Variants in KCNIP4 observed in about 807,000 individuals in gnomAD.
KCNIP4 encodes the protein Kv channel-interacting protein 4.
Under a neutral mutation model 34.0 loss-of-function variants are expected in KCNIP4, and 12 were observed. The ratio of observed to expected loss-of-function variants is 0.35; its 90% CI spans 0.23 to 0.57. The LOEUF is 0.57. KCNIP4 is among the 20% of genes least tolerant of loss of function. The pLI is 0.83. For missense variants in KCNIP4, 238 were observed against 311.7 expected (o/e 0.76, Z 1.78); for synonymous variants, 124 against 102.2 (o/e 1.21, Z -1.29).
At chr4:21,226,141 A>G (rs1210492791) in intron 1 of KCNIP4, among the ~76,000 whole-genome samples, 1 of 150,148 alleles carries the variant, frequency 6.7e-6, no homozygotes, top group Non-Finnish European at 1.5e-5. Context: ...TTGCAAGTTC[A>G]TGTAGTTAGA....
intron 1 of KCNIP4, among the ~76,000 whole-genome samples, chr4:21,522,430 A>G (rs1343136150): frequency 1.3e-5 from 2 of 151,882 alleles, no homozygotes; most frequent in Admixed American, 1.3e-4. Context: ...AGGCTGGTGC[A>G]CTCATAGCTC....
chr4:21,924,669 A>T (rs1342932492), intron 1 of KCNIP4, among the ~76,000 whole-genome samples: 1 of 152,162 alleles, frequency 6.6e-6, no homozygotes, highest in African/African-American at 2.4e-5. Context: ...TCAATTTTTT[A>T]AGGGTCAGTG....
At chr4:20,877,697 C>T (rs774263385) in intron 2 of KCNIP4, among the ~76,000 whole-genome samples, 2 of 152,150 alleles carry the variant, frequency 1.3e-5, no homozygotes, top group African/African-American at 2.4e-5. Context: ...TGGGTGCCAA[C>T]CGTATGAAAT....
chr4:21,835,823 T>G (rs750815664), intron 1 of KCNIP4, among the ~76,000 whole-genome samples: 2 of 152,140 alleles, frequency 1.3e-5, no homozygotes, highest in African/African-American at 4.8e-5. Flanking sequence ...AAATGAGGCA[T>G]ATTTGATTCA....
intron 3 of KCNIP4, among the ~76,000 whole-genome samples, chr4:20,785,318 AT>A (rs1321477283): frequency 3.5e-4 from 46 of 131,482 alleles, no homozygotes; most frequent in African/African-American, 4.6e-4. Context: ...TTTTCTTTGG[AT>A]TTTTTTTTCT....
At chr4:21,226,573 C>T (rs1324511589) in intron 1 of KCNIP4, among the ~76,000 whole-genome samples, 1 of 146,510 alleles carries the variant, frequency 6.8e-6, no homozygotes, top group African/African-American at 2.8e-5. Flanking sequence ...AATGTTACTT[C>T]CTATTTGCTA....
intron 1 of KCNIP4, among the ~76,000 whole-genome samples, chr4:21,641,305 G>A (rs1746596559): frequency 6.6e-6 from 1 of 152,138 alleles, no homozygotes. Context: ...CTTGGGTCTG[G>A]TTTACAGATG....
At chr4:21,524,359 G>A (rs565043963) in intron 1 of KCNIP4, among the ~76,000 whole-genome samples, 4 of 152,248 alleles carry the variant, frequency 2.6e-5, no homozygotes, top group Non-Finnish European at 4.4e-5. Flanking sequence ...TAAGAATGAG[G>A]TGCTATTTAT....
intron 1 of KCNIP4, among the ~76,000 whole-genome samples, chr4:21,035,939 G>A (rs1374262353): frequency 6.6e-6 from 1 of 152,166 alleles, no homozygotes; most frequent in Non-Finnish European, 1.5e-5. Flanking sequence ...AGTTGAGGGA[G>A]GAAGACAGCC....
At chr4:21,550,895 A>G (rs551274950) in intron 1 of KCNIP4, among the ~76,000 whole-genome samples, 2 of 152,092 alleles carry the variant, frequency 1.3e-5, no homozygotes, top group Non-Finnish European at 2.9e-5. Flanking sequence ...CTAATTTCAG[A>G]GAGTACCTCC....
intron 1 of KCNIP4, among the ~76,000 whole-genome samples, chr4:21,324,155 TTGTC>T (rs777575094): frequency 6.6e-6 from 1 of 151,392 alleles, no homozygotes; most frequent in Non-Finnish European, 1.5e-5. Context: ...TATTAATCCT[TTGTC>T]TGATGCAGTT....
At chr4:21,488,357 C>T (rs1188428685) in intron 1 of KCNIP4, among the ~76,000 whole-genome samples, 2 of 152,128 alleles carry the variant, frequency 1.3e-5, no homozygotes, top group Middle Eastern at 3.2e-3. Flanking sequence ...GAATTATTAA[C>T]TGTGTCCCCA....
At chr4:21,914,369 C>T (rs1012950585) in intron 1 of KCNIP4, among the ~76,000 whole-genome samples, 5 of 152,078 alleles carry the variant, frequency 3.3e-5, no homozygotes, top group Admixed American at 6.6e-5. Context: ...TAGTGGACCA[C>T]GTTGTGAGAT....
chr4:20,892,741 G>A (rs926943389), intron 1 of KCNIP4, among the ~76,000 whole-genome samples: 1 of 152,208 alleles, frequency 6.6e-6, no homozygotes, highest in Non-Finnish European at 1.5e-5. Context: ...GTCAAAAGCT[G>A]TAATGCTTTC....
chr4:20,764,338 G>T (rs542985594), intron 3 of KCNIP4, among the ~76,000 whole-genome samples: 1 of 152,106 alleles, frequency 6.6e-6, no homozygotes, highest in African/African-American at 2.4e-5. Context: ...GAAATATCCT[G>T]AACATTTTTT....
chr4:21,266,388 A>G (rs6839686), intron 1 of KCNIP4, among the ~76,000 whole-genome samples: 27,746 of 152,084 alleles, frequency 0.18, 3,290 homozygotes, highest in African/African-American at 0.32. Flanking sequence ...CTTAAAAACA[A>G]AATGCCAAGG....
At chr4:21,369,810 C>A (rs1720147146) in intron 1 of KCNIP4, among the ~76,000 whole-genome samples, 1 of 112,450 alleles carries the variant, frequency 8.9e-6, no homozygotes, top group Admixed American at 1.1e-4. Flanking sequence ...GAGACCTTAA[C>A]CCAAATAATT....
At chr4:21,941,511 A>C (rs1296634509) in intron 1 of KCNIP4, among the ~76,000 whole-genome samples, 1 of 150,824 alleles carries the variant, frequency 6.6e-6, no homozygotes, top group Admixed American at 6.6e-5. Flanking sequence ...AAAAAAAAAC[A>C]GATCTAATTC....
chr4:20,816,386 T>C (rs1245739903), intron 3 of KCNIP4, among the ~76,000 whole-genome samples: 3 of 152,048 alleles, frequency 2.0e-5, no homozygotes, highest in Non-Finnish European at 4.4e-5. Context: ...TCTTCAGAGA[T>C]GTGGCTGGCA....
Sources: gnomAD v4.1 joint callset for allele counts (sites outside exome capture counted in the v4.1 genomes callset) on GRCh38, gnomAD v4.1.1 for gene constraint, MANE v1.5 for transcripts, NCBI Gene and HGNC (gene_info 2026-07-23, HGNC 2026-07-21) for gene names.